Variants in COL24A1 observed in about 807,000 individuals in gnomAD.
COL24A1 encodes collagen alpha-1(XXIV) chain.
A neutral mutation model predicts 253.9 loss-of-function variants in COL24A1; 224 were observed. The observed-to-expected ratio is 0.88, with a 90% CI of 0.79 to 0.99. The LOEUF is 0.99. Ranked by LOEUF, COL24A1 falls within the 50% of genes least tolerant of loss-of-function variation. COL24A1 has a pLI of 0.00. For missense variants in COL24A1, 2,131 were observed against 2,068.5 expected, an observed-to-expected ratio of 1.03 and a Z score of -0.59; for synonymous variants, 685 against 673.7, an observed-to-expected ratio of 1.02 and a Z score of -0.26.
rs12063483 is a variant in COL24A1, at chr1:85,922,006, A to T, written c.2563-10573T>A. On this transcript the variant is annotated intron_variant, in intron 24 of 59. Transcript: ENST00000370571. ...AGGGAGCTGAAAACCATGGCATGAG[A>T]ACTACGTGACGCATGCACAAGCTTC... 1.2e-3 allele frequency among the ~76,000 whole-genome samples: 180 copies of T among 152,360 alleles called. 1 individual carries two copies. Among genetic ancestry groups the T allele is most frequent in the African/African-American group, 4.1e-3 (171 of 41,574 alleles).
intron 14 of COL24A1, among the ~76,000 whole-genome samples, chr1:86,029,150 G>GGAA (rs1553264056): frequency 6.7e-6 from 1 of 148,560 alleles, no homozygotes; most frequent in African/African-American, 2.5e-5. Context: ...AAGTTCTCAG[G>GGAA]AAAAAAAAAA....
chr1:86,143,474 T>G (rs1651444245), intron 2 of COL24A1, among the ~76,000 whole-genome samples: 1 of 152,010 alleles, frequency 6.6e-6, no homozygotes, highest in African/African-American at 2.4e-5. Flanking sequence ...CATGGCTCAG[T>G]GATAAAAAAA....
chr1:85,996,393 C>T (rs756378509), intron 19 of COL24A1, among the ~76,000 whole-genome samples: 1 of 151,986 alleles, frequency 6.6e-6, no homozygotes, highest in African/African-American at 2.4e-5. Context: ...AATATCAATT[C>T]GGCTGAGCAC....
At chr1:85,784,393 CT>C in intron 48 of COL24A1, 27 bp from the exon 49 acceptor site, 1 of 1,517,666 alleles carries the variant, frequency 6.6e-7, no homozygotes, top group Non-Finnish European at 9.2e-7. Flanking sequence ...GAAAAGCGAT[CT>C]TTACATCAGA....
intron 47 of COL24A1, among the ~76,000 whole-genome samples, chr1:85,793,289 C>G (rs1455514968): frequency 6.6e-6 from 1 of 152,110 alleles, no homozygotes; most frequent in Non-Finnish European, 1.5e-5. Context: ...GATATAGGTT[C>G]ATGTTCCTCA....
At chr1:85,958,983 A>G (rs1174898647) in intron 24 of COL24A1, among the ~76,000 whole-genome samples, 3 of 152,168 alleles carry the variant, frequency 2.0e-5, no homozygotes, top group Non-Finnish European at 2.9e-5. Flanking sequence ...TCTAACTGGT[A>G]TAAATCTAGA....
At chr1:86,090,385 A>G (rs968519539) in intron 6 of COL24A1, among the ~76,000 whole-genome samples, 17 of 152,146 alleles carry the variant, frequency 1.1e-4, no homozygotes, top group Admixed American at 3.9e-4. Context: ...TTTAAAAACG[A>G]TCTATGCATG....
Position 85,784,264 on chromosome 1 carries a change from G to T in COL24A1, c.4162C>A (p.Gln1388Lys). 1 of 1,613,846 alleles carries T rather than the reference G, an allele frequency of 6.2e-7. No individual in the cohort carries two copies. The highest frequency in any genetic ancestry group is 8.5e-7 in the Non-Finnish European group (1 of 1,179,778). ...GPCGDPGLKG[Q>K]PGEYGVQGLT... ...ATTTCTGAGGTGGTACATACAGGCT[G>T]CCCTTTCAGGCCAGGGTCTCCACAT... The change falls in exon 49 of 60, where the codon CAG becomes AAG. Residue 1388 changes from glutamine to lysine, a missense_variant. Coordinates refer to ENST00000370571, the MANE Select transcript of COL24A1 (RefSeq NM_152890.7).
chr1:86,061,041 G>GA (rs1282248337), intron 8 of COL24A1, among the ~76,000 whole-genome samples: 1 of 151,816 alleles, frequency 6.6e-6, no homozygotes, highest in African/African-American at 2.4e-5. Context: ...TGAGAGATGA[G>GA]AAAAAATGAG....
chr1:85,896,196 T>C, intron 29 of COL24A1, 131 bp from the exon 30 acceptor site: 1 of 1,185,440 alleles, frequency 8.4e-7, no homozygotes, highest in Non-Finnish European at 1.2e-6. Context: ...AAAGAAAACA[T>C]CTCTGCCTGT....
At chr1:85,941,159 T>C (rs1052263472) in intron 24 of COL24A1, among the ~76,000 whole-genome samples, 3 of 152,148 alleles carry the variant, frequency 2.0e-5, no homozygotes, top group African/African-American at 7.2e-5. Flanking sequence ...AAGAGAATGT[T>C]CAGAGAATAT....
chr1:86,049,962 A>G (rs1404742636), intron 11 of COL24A1, among the ~76,000 whole-genome samples, 162 bp downstream of exon 11: 1 of 152,162 alleles, frequency 6.6e-6, no homozygotes, highest in East Asian at 1.9e-4. Context: ...AAATTCAGTA[A>G]GATTTTCAAA....
rs1188619593 is a variant in COL24A1, at chr1:86,156,549, G to T, written c.-153C>A. On this transcript the variant is annotated 5_prime_UTR_variant, in exon 1 of 60. Transcript: ENST00000370571. ...GCAACAAGAAAAAAAGGAGGGGAGG[G>T]GGTGAAGTCGGGAGGAGGTAGGAAA... The T allele has an allele frequency of 1.7e-6, 1 of 577,454 alleles. No individual in the cohort carries two copies. Among genetic ancestry groups the T allele is most frequent in the South Asian group, 3.2e-5 (1 of 31,254 alleles). The allele number at this position is 577,454 out of a possible 1,614,324, so 35.8% of individuals were successfully genotyped here. A position where few individuals can be genotyped will look rare whatever the true frequency, so the allele number is the denominator to read the frequency against.
At chr1:86,122,681 C>T (rs1414969428) in intron 3 of COL24A1, among the ~76,000 whole-genome samples, 1 of 151,794 alleles carries the variant, frequency 6.6e-6, no homozygotes, top group Non-Finnish European at 1.5e-5. Context: ...TTTGCTTGGT[C>T]CCTAGGTCCC....
chr1:85,977,894 T>A (rs1046987772), intron 20 of COL24A1, among the ~76,000 whole-genome samples: 84 of 152,190 alleles, frequency 5.5e-4, no homozygotes, highest in African/African-American at 1.9e-3. Context: ...GGGAAATTCA[T>A]CACAAAAAGA....
intron 43 of COL24A1, among the ~76,000 whole-genome samples, chr1:85,838,106 T>C (rs1676215092): frequency 6.6e-6 from 1 of 152,190 alleles, no homozygotes; most frequent in Admixed American, 6.5e-5. Flanking sequence ...GACACCTCTT[T>C]ATTGAATTCC....
chr1:85,888,662 A>G (rs1240757745), intron 32 of COL24A1, among the ~76,000 whole-genome samples: 3 of 152,112 alleles, frequency 2.0e-5, no homozygotes, highest in South Asian at 2.1e-4. Flanking sequence ...AAAATCAACA[A>G]CATATCTAAG....
chr1:85,964,300 A>G (rs1691351775), intron 23 of COL24A1, among the ~76,000 whole-genome samples: 1 of 152,150 alleles, frequency 6.6e-6, no homozygotes, highest in African/African-American at 2.4e-5. Context: ...AAATTATCCA[A>G]GACCTTGGAA....
intron 37 of COL24A1, among the ~76,000 whole-genome samples, chr1:85,863,770 C>T (rs979146509): frequency 2.0e-5 from 3 of 152,152 alleles, no homozygotes; most frequent in African/African-American, 7.2e-5. Context: ...AAGAAGACAT[C>T]TATGCAGCCA....
Sources: allele counts gnomAD v4.1 joint callset (sites outside exome capture counted in the v4.1 genomes callset), GRCh38; gene constraint gnomAD v4.1.1; transcripts MANE v1.5; gene names NCBI Gene and HGNC (gene_info 2026-07-23, HGNC 2026-07-21).